Variants in HUNK observed in about 807,000 individuals in gnomAD.
HUNK encodes hormonally up-regulated Neu-associated kinase, also known as hormonally up-regulated neu tumor-associated kinase.
In HUNK, 21 loss-of-function variants were observed where a neutral mutation model predicts 61.0. The observed-to-expected ratio is 0.34, with a 90% CI of 0.24 to 0.50. HUNK has a LOEUF of 0.50. HUNK is among the 20% of genes least tolerant of loss of function. HUNK has a pLI of 0.98. For synonymous variants in HUNK, 371 were observed against 386.1 expected (o/e 0.96, Z 0.46); for missense variants, 772 against 945.7 (o/e 0.82, Z 2.41).
chr21:31,989,453 C>T (rs944897811), intron 8 of HUNK, among the ~76,000 whole-genome samples: 1 of 152,174 alleles, frequency 6.6e-6, no homozygotes, highest in Admixed American at 6.5e-5. Flanking sequence ...AGTGCTCATG[C>T]CTGTAATCCC....
intron 8 of HUNK, 102 bp downstream of exon 8, chr21:31,983,711 C>A: frequency 1.3e-6 from 1 of 798,132 alleles, no homozygotes; most frequent in Non-Finnish European, 2.1e-6. Context: ...ACTGAAGTAG[C>A]AAAAGACACA....
At chr21:31,941,210 G>C (rs961469124) in intron 3 of HUNK, among the ~76,000 whole-genome samples, 1 of 152,156 alleles carries the variant, frequency 6.6e-6, no homozygotes, top group Non-Finnish European at 1.5e-5. Context: ...AGAGTTAATC[G>C]TGAAGAGGAA....
chr21:31,912,228 T>C (rs1475990386), intron 1 of HUNK, among the ~76,000 whole-genome samples: 2 of 152,116 alleles, frequency 1.3e-5, no homozygotes, highest in Non-Finnish European at 2.9e-5. Flanking sequence ...CCTGACGCGG[T>C]GCTGGACACT....
intron 10 of HUNK, 68 bp downstream of exon 10, chr21:31,996,016 CAG>C: frequency 8.2e-7 from 1 of 1,220,630 alleles, no homozygotes; most frequent in Non-Finnish European, 1.2e-6. Flanking sequence ...GTAGCCCTCA[CAG>C]GGGATGGTCG....
chr21:31,906,079 C>T (rs533198144), intron 1 of HUNK, among the ~76,000 whole-genome samples: 1 of 152,282 alleles, frequency 6.6e-6, no homozygotes, highest in Admixed American at 6.5e-5. Flanking sequence ...GATATTTCCC[C>T]TTAGCATCAT....
At chr21:31,885,933 A>C (rs2052342625) in intron 1 of HUNK, among the ~76,000 whole-genome samples, 1 of 151,922 alleles carries the variant, frequency 6.6e-6, no homozygotes, top group African/African-American at 2.4e-5. Context: ...CCATTTCACC[A>C]CGTTGATCAA....
chr21:31,891,286 A>G (rs1215524448), intron 1 of HUNK, among the ~76,000 whole-genome samples: 1 of 152,256 alleles, frequency 6.6e-6, no homozygotes, highest in African/African-American at 2.4e-5. Context: ...CTGAGGCACA[A>G]GAATAGCTTG....
intron 1 of HUNK, among the ~76,000 whole-genome samples, chr21:31,914,408 CAAAAAAAAAAAAAAAA>C (rs35023797): frequency 1.0e-4 from 4 of 39,826 alleles, no homozygotes; most frequent in African/African-American, 4.3e-4. Context: ...AACTCTGTCT[CAAAAAAAAAAAAAAAA>C]AAAAAAAAAA....
Position 32,001,801 on chromosome 21 carries a change from G to A in HUNK, c.*2617G>A, listed in dbSNP as rs992117322. ...CGAAGCATGTTGTCTGTTCGACCGT[G>A]ACTGTCTTCCTCAGTCTGTGCCTGT... On this transcript the variant is annotated 3_prime_UTR_variant, in exon 11 of 11. Transcript: ENST00000270112. The A allele has an allele frequency of 6.6e-6, 1 of 152,598 alleles. No homozygotes were observed. Among genetic ancestry groups the A allele is most frequent in the Admixed American group, 6.5e-5 (1 of 15,276 alleles). The allele number at this position is 152,598 out of a possible 1,614,324, so 9.5% of individuals were successfully genotyped here.
intron 3 of HUNK, among the ~76,000 whole-genome samples, chr21:31,940,973 G>A (rs558981699): frequency 7.9e-5 from 12 of 152,330 alleles, no homozygotes; most frequent in Non-Finnish European, 1.3e-4. Flanking sequence ...GGGGAAAAGA[G>A]AAGGATCAAT....
At chr21:31,956,138 G>A (rs1233165011) in intron 4 of HUNK, among the ~76,000 whole-genome samples, 2 of 152,224 alleles carry the variant, frequency 1.3e-5, no homozygotes, top group African/African-American at 2.4e-5. Context: ...GACCCAGAAA[G>A]GTGGGAAGAT....
intron 10 of HUNK, 23 bp from the exon 11 acceptor site, chr21:31,998,503 G>T (rs1313278677): frequency 3.0e-5 from 46 of 1,555,306 alleles, no homozygotes; most frequent in Non-Finnish European, 4.0e-5. Context: ...CCTCATGATT[G>T]TTTATGCTTT....
chr21:31,891,097 C>T (rs1157782495), intron 1 of HUNK, among the ~76,000 whole-genome samples: 1 of 152,202 alleles, frequency 6.6e-6, no homozygotes, highest in Non-Finnish European at 1.5e-5. Context: ...CAGAAACAGG[C>T]TGGATGTGGT....
rs149866824 is a variant in HUNK at position 31,917,148 on chromosome 21, G to A, written c.262-7320G>A. On this transcript the variant is annotated intron_variant, in intron 1 of 10. Coordinates refer to ENST00000270112, the MANE Select transcript of HUNK (RefSeq NM_014586.2). The stretch of plus-strand genomic sequence containing the variant: ...ATCATTGATTGGTGGTGTTTGTTTG[G>A]CAGGGAAGGAGGAGGGTGGAGTTAC... 1.1e-3 allele frequency among the ~76,000 whole-genome samples: 171 copies of A among 152,230 alleles called. 1 individual carries two copies. Among genetic ancestry groups the A allele is most frequent in the African/African-American group, 4.0e-3 (165 of 41,532 alleles).
Position 31,892,160 on chromosome 21 carries a change from A to ATAT in HUNK, c.261+18225_261+18226insTAT, listed in dbSNP as rs1294310296. ...ATGAGAATTTGGTTAAAAAAAAAAA[A>ATAT]AAATATATATATATATATATAGAGA... On this transcript the variant is annotated intron_variant, in intron 1 of 10. Coordinates refer to ENST00000270112, the MANE Select transcript of HUNK (RefSeq NM_014586.2). 1.5e-3 allele frequency among the ~76,000 whole-genome samples: 168 copies of ATAT among 110,322 alleles called. 1 individual carries two copies. The highest frequency in any genetic ancestry group is 4.2e-3 in the East Asian group (16 of 3,814). 72.4% of individuals were successfully genotyped at this position (110,322 alleles called of 152,430 possible). A position where few individuals can be genotyped will look rare whatever the true frequency, so the allele number is the denominator to read the frequency against.
At chr21:31,896,977 G>T (rs1490078330) in intron 1 of HUNK, among the ~76,000 whole-genome samples, 3 of 152,156 alleles carry the variant, frequency 2.0e-5, no homozygotes, top group African/African-American at 7.2e-5. Context: ...AGGCGCGGTG[G>T]CTCACACCTG....
At chr21:31,882,107 A>G (rs2052312816) in intron 1 of HUNK, among the ~76,000 whole-genome samples, 1 of 152,012 alleles carries the variant, frequency 6.6e-6, no homozygotes. Flanking sequence ...AAAGTTGTTG[A>G]AGGAGTTGTG....
chr21:31,873,700 TCCTGGGGGAGCCGGCGGCG>T lies in HUNK; in HGVS notation c.35_53del (p.Glu12AlafsTer24), dbSNP rs1395618238. ...ATGCCGGCGGCGGCGGGGGACGGGC[TCCTGGGGGAGCCGGCGGCG>T]CCTGGGGGCGGCGGCGGCGCGGAGG... On this transcript the variant is annotated frameshift_variant, in exon 1 of 11. Transcript: ENST00000270112. LOFTEE classifies it high-confidence loss of function. The surrounding 1 kb of genome is among the most constrained non-coding windows in gnomAD (Gnocchi z 6.1). The T allele has an allele frequency of 5.3e-6, 6 of 1,131,734 alleles. No homozygotes were observed. Among genetic ancestry groups the T allele is most frequent in the Non-Finnish European group, 3.2e-6 (3 of 926,092 alleles). 70.1% of individuals were successfully genotyped at this position (1,131,734 alleles called of 1,614,324 possible). A position where few individuals can be genotyped will look rare whatever the true frequency, so the allele number is the denominator to read the frequency against.
intron 1 of HUNK, among the ~76,000 whole-genome samples, chr21:31,906,017 T>C (rs977366883): frequency 1.3e-5 from 2 of 152,062 alleles, no homozygotes; most frequent in African/African-American, 4.8e-5. Context: ...GCTGTGTCTC[T>C]CCCTCCCCTG....
Sources: gnomAD v4.1 joint callset for allele counts (sites outside exome capture counted in the v4.1 genomes callset) on GRCh38, gnomAD v4.1.1 for gene constraint, Gnocchi (gnomAD v3.1) non-coding constraint, MANE v1.5 for transcripts, NCBI Gene and HGNC (gene_info 2026-07-23, HGNC 2026-07-21) for gene names.